PRR16: variants seen among roughly 807,000 people sequenced by gnomAD.
The protein encoded by PRR16 is proline rich 16.
Under a neutral mutation model 18.2 loss-of-function variants are expected in PRR16, and 6 were observed. The observed-to-expected ratio is 0.33, with a 90% CI of 0.18 to 0.65. PRR16 has a LOEUF of 0.65. PRR16 is among the 30% of genes least tolerant of loss of function. The pLI is 0.74. For missense variants in PRR16, 412 were observed against 376.6 expected (o/e 1.09, Z -0.78); for synonymous variants, 151 against 147.8 (o/e 1.02, Z -0.16).
chr5:120,533,982 C>A (rs1751634521), intron 1 of PRR16, among the ~76,000 whole-genome samples: 1 of 152,086 alleles, frequency 6.6e-6, no homozygotes, highest in African/African-American at 2.4e-5. Flanking sequence ...GTTTTGTGGC[C>A]TGAGCATTTT....
At chr5:120,665,359 C>T (rs527324812) in intron 1 of PRR16, among the ~76,000 whole-genome samples, 223 of 151,802 alleles carry the variant, frequency 1.5e-3, no homozygotes, top group African/African-American at 5.3e-3. Context: ...GGATATTAGC[C>T]CTTTGTCAGA....
intron 1 of PRR16, among the ~76,000 whole-genome samples, chr5:120,562,060 A>C (rs917922314): frequency 6.6e-6 from 1 of 152,132 alleles, no homozygotes; most frequent in South Asian, 2.1e-4. Context: ...AGATCTGTTC[A>C]ATCCTGAATA....
At chr5:120,755,082 C>G in the PRR16 span, among the ~76,000 whole-genome samples, 2 of 150,976 alleles carry the variant, frequency 1.3e-5, no homozygotes, top group Non-Finnish European at 3.0e-5. Flanking sequence ...GGAGATATAC[C>G]TAATGCTTAA....
chr5:120,512,058 C>A (rs1176751306), intron 1 of PRR16, among the ~76,000 whole-genome samples: 1 of 152,134 alleles, frequency 6.6e-6, no homozygotes, highest in African/African-American at 2.4e-5. Flanking sequence ...TCAAGGAACC[C>A]TGAGAGGAAA....
intron 1 of PRR16, among the ~76,000 whole-genome samples, chr5:120,472,345 CTG>C (rs1329927553): frequency 1.1e-4 from 16 of 152,100 alleles, no homozygotes; most frequent in Admixed American, 1.0e-3. Flanking sequence ...AGATTTCAAA[CTG>C]TGTGTTTATA....
the PRR16 span, among the ~76,000 whole-genome samples, chr5:120,738,270 T>G: frequency 4.6e-5 from 7 of 152,244 alleles, no homozygotes; most frequent in East Asian, 7.7e-4. Context: ...TAAGCTAATC[T>G]TCTCTTTGAT....
chr5:120,749,896 T>C, the PRR16 span, among the ~76,000 whole-genome samples: 2 of 152,164 alleles, frequency 1.3e-5, no homozygotes, highest in Non-Finnish European at 2.9e-5. Context: ...TCAAACTTTC[T>C]TCTGTAGATT....
At position 120,528,775 on chromosome 5, in the gene PRR16, G is replaced by T. The variant is rs919984591; in HGVS notation, c.159+64130G>T. The stretch of plus-strand genomic sequence containing the variant: ...AGGCAGGCTGAGGCAGCTGTCTAGA[G>T]ACGGTTGACAGTCCCTAACACCCAC... On this transcript the variant is annotated intron_variant, in intron 1 of 1. Transcript: ENST00000407149. 3.9e-5 allele frequency among the ~76,000 whole-genome samples: 6 copies of T among 152,198 alleles called. No homozygotes were observed. The South Asian group carries it at 6.2e-4, about 16-fold the overall frequency.
intron 1 of PRR16, among the ~76,000 whole-genome samples, chr5:120,663,266 G>GT (rs1162665438): frequency 2.6e-5 from 4 of 151,682 alleles, no homozygotes; most frequent in Admixed American, 2.6e-4. Flanking sequence ...TGCCTTCTTA[G>GT]TTTTTTTGGT....
chr5:120,578,467 A>T (rs1753154707), intron 1 of PRR16, among the ~76,000 whole-genome samples: 1 of 152,040 alleles, frequency 6.6e-6, no homozygotes, highest in Non-Finnish European at 1.5e-5. Context: ...CTCAATGTTC[A>T]ACTCCAACTT....
At chr5:120,552,879 A>G (rs183523858) in intron 1 of PRR16, among the ~76,000 whole-genome samples, 2 of 151,988 alleles carry the variant, frequency 1.3e-5, no homozygotes, top group Admixed American at 1.3e-4. Context: ...CTGCATGTTG[A>G]TAGTGAAAGA....
At chr5:120,659,093 C>A (rs527341912) in intron 1 of PRR16, among the ~76,000 whole-genome samples, 2 of 152,020 alleles carry the variant, frequency 1.3e-5, no homozygotes, top group East Asian at 3.9e-4. Context: ...ATGAACCATA[C>A]TTTAAAATGC....
chr5:120,762,168 A>G, the PRR16 span, among the ~76,000 whole-genome samples: 1 of 152,134 alleles, frequency 6.6e-6, no homozygotes, highest in South Asian at 2.1e-4. Flanking sequence ...TAGTGTTTTA[A>G]TAAGCATGGT....
At chr5:120,757,012 G>T in the PRR16 span, among the ~76,000 whole-genome samples, 1 of 151,954 alleles carries the variant, frequency 6.6e-6, no homozygotes, top group African/African-American at 2.4e-5. Flanking sequence ...GTAGGTAGGG[G>T]GTCCAGTTTT....
At chr5:120,543,778 A>G (rs1052032101) in intron 1 of PRR16, among the ~76,000 whole-genome samples, 25 of 152,154 alleles carry the variant, frequency 1.6e-4, no homozygotes, top group Admixed American at 3.9e-4. Flanking sequence ...GCATAATTCA[A>G]ATGACATTAG....
At chr5:120,676,569 T>C (rs1458634088) in intron 1 of PRR16, among the ~76,000 whole-genome samples, 1 of 151,670 alleles carries the variant, frequency 6.6e-6, no homozygotes, top group African/African-American at 2.4e-5. Context: ...TATGTATGCT[T>C]TTTCAAATAT....
chr5:120,519,941 A>T (rs954813693), intron 1 of PRR16, among the ~76,000 whole-genome samples: 3 of 149,800 alleles, frequency 2.0e-5, no homozygotes, highest in South Asian at 2.1e-4. Flanking sequence ...AAGAAATCTA[A>T]TTTTTTTTTT....
At chr5:120,470,876 A>G (rs987644780) in intron 1 of PRR16, among the ~76,000 whole-genome samples, 1 of 152,146 alleles carries the variant, frequency 6.6e-6, no homozygotes, top group South Asian at 2.1e-4. Flanking sequence ...GTCAAAGAAC[A>G]GCATTAACCG....
intron 1 of PRR16, among the ~76,000 whole-genome samples, chr5:120,664,210 A>T (rs1756278357): frequency 6.6e-6 from 1 of 152,016 alleles, no homozygotes; most frequent in Non-Finnish European, 1.5e-5. Flanking sequence ...GAGGCAGGAG[A>T]ATTGCTTGAA....
Sources: allele counts gnomAD v4.1 joint callset (sites outside exome capture counted in the v4.1 genomes callset), GRCh38; gene constraint gnomAD v4.1.1; transcripts MANE v1.5; gene names NCBI Gene and HGNC (gene_info 2026-07-23, HGNC 2026-07-21).